Variants in WWOX observed in about 807,000 individuals in gnomAD.
WWOX encodes WW domain-containing oxidoreductase.
WWOX carries 69 observed loss-of-function variants against 46.2 expected under a neutral mutation model. That is an observed-to-expected ratio of 1.49 (90% CI 1.23 to 1.82). The LOEUF (loss-of-function observed/expected upper bound fraction) is 1.82, where lower values mean the gene tolerates loss of function less well. Among genes scored for constraint, WWOX ranks in the 40% most tolerant of loss-of-function variants. WWOX has a pLI of 0.00. For synonymous variants in WWOX, 359 were observed against 202.6 expected, an observed-to-expected ratio of 1.77 and a Z score of -6.56; for missense variants, 919 against 542.6, an observed-to-expected ratio of 1.69 and a Z score of -6.89.
intron 5 of WWOX, among the ~76,000 whole-genome samples, chr16:78,219,329 T>C (rs962860216): frequency 2.0e-5 from 3 of 152,262 alleles, no homozygotes; most frequent in African/African-American, 7.2e-5. Context: ...TTGCGCCATC[T>C]ACTAATCTCT....
At chr16:78,299,112 A>T (rs943394528) in intron 5 of WWOX, among the ~76,000 whole-genome samples, 3 of 152,186 alleles carry the variant, frequency 2.0e-5, no homozygotes. Context: ...TGTGGGTGTT[A>T]GTCATATTCT....
At position 79,091,414 on chromosome 16, in the gene WWOX, T is replaced by C. The variant is rs1020700049; in HGVS notation, c.1057-120194T>C. Among the ~76,000 whole-genome samples the C allele has an allele frequency of 3.9e-5, 6 of 152,280 alleles. No homozygotes were observed. The East Asian group carries it at 1.2e-3, about 29-fold the overall frequency. On this transcript the variant is annotated intron_variant, in intron 8 of 8. Transcript: ENST00000566780. ...GATGAATTTGAAGGCTGCCAGGCAG[T>C]AGCAACATATACCAGCTTCCCCACT...
chr16:78,763,485 A>C (rs1000123417), intron 8 of WWOX, among the ~76,000 whole-genome samples: 20 of 152,202 alleles, frequency 1.3e-4, no homozygotes, highest in African/African-American at 4.6e-4. Flanking sequence ...GGATAGAGGC[A>C]CTTTTTGGGG....
chr16:78,498,162 G>A (rs1349163403), intron 8 of WWOX, among the ~76,000 whole-genome samples: 1 of 132,338 alleles, frequency 7.6e-6, no homozygotes, highest in Non-Finnish European at 1.5e-5. Flanking sequence ...CCGAGATTGT[G>A]CCACTGCACT....
chr16:78,713,495 T>C (rs944394254), intron 8 of WWOX, among the ~76,000 whole-genome samples: 1 of 151,978 alleles, frequency 6.6e-6, no homozygotes, highest in African/African-American at 2.4e-5. Flanking sequence ...TGTTACTCTA[T>C]TTGGAGATAC....
intron 8 of WWOX, among the ~76,000 whole-genome samples, chr16:78,706,970 C>T (rs958972765): frequency 3.3e-5 from 5 of 152,112 alleles, no homozygotes; most frequent in East Asian, 1.9e-4. Context: ...GCACAAACTG[C>T]CTTTGGAAGT....
intron 8 of WWOX, among the ~76,000 whole-genome samples, chr16:79,161,317 C>G (rs2050482210): frequency 1.3e-5 from 2 of 152,148 alleles, no homozygotes; most frequent in Non-Finnish European, 2.9e-5. Context: ...CTCAGCTTAT[C>G]TCTAGGATGG....
intron 8 of WWOX, among the ~76,000 whole-genome samples, chr16:78,704,026 C>T (rs1178086931): frequency 6.6e-6 from 1 of 152,102 alleles, no homozygotes; most frequent in Non-Finnish European, 1.5e-5. Flanking sequence ...CAACCATCAC[C>T]CCTATCCATC....
At chr16:78,910,736 C>G (rs553035609) in intron 8 of WWOX, among the ~76,000 whole-genome samples, 3 of 151,842 alleles carry the variant, frequency 2.0e-5, no homozygotes, top group Non-Finnish European at 4.4e-5. Flanking sequence ...TTTATAAAAC[C>G]ATCAGATCTC....
chr16:78,101,346 C>CATTTTTTTTTTTTT, intron 1 of WWOX, among the ~76,000 whole-genome samples: 1 of 66,850 alleles, frequency 1.5e-5, no homozygotes, highest in East Asian at 5.5e-4. Context: ...CGCTCCCGGC[C>CATTTTTTTTTTTTT]TTTTTTTTTT....
At chr16:78,607,641 C>CT (rs1201682963) in intron 8 of WWOX, among the ~76,000 whole-genome samples, 196 of 110,300 alleles carry the variant, frequency 1.8e-3, no homozygotes, top group African/African-American at 5.5e-3. Flanking sequence ...CTCATTTGTT[C>CT]TTCTTTTTTT....
At chr16:79,076,975 G>C (rs1399567615) in intron 8 of WWOX, among the ~76,000 whole-genome samples, 1 of 152,118 alleles carries the variant, frequency 6.6e-6, no homozygotes, top group African/African-American at 2.4e-5. Flanking sequence ...GGCTTAAAGA[G>C]GTCAATTATT....
chr16:78,967,438 C>A (rs1036326562), intron 8 of WWOX, among the ~76,000 whole-genome samples: 1 of 147,102 alleles, frequency 6.8e-6, no homozygotes, highest in African/African-American at 2.5e-5. Context: ...TATGCACCAA[C>A]ATGCCTGGTT....
intron 8 of WWOX, among the ~76,000 whole-genome samples, chr16:78,530,372 G>A (rs1207589213): frequency 1.3e-5 from 2 of 152,168 alleles, no homozygotes; most frequent in African/African-American, 2.4e-5. Context: ...GCAGATGTGG[G>A]GGATTTTATT....
intron 5 of WWOX, among the ~76,000 whole-genome samples, chr16:78,328,801 GGTGGTTGA>G (rs1478447286): frequency 1.3e-5 from 2 of 151,370 alleles, no homozygotes; most frequent in Admixed American, 1.3e-4. Context: ...TTGGTCTCAG[GGTGGTTGA>G]CCTTTTGCCG....
At chr16:78,208,941 A>T (rs1255202243) in intron 5 of WWOX, among the ~76,000 whole-genome samples, 1 of 152,114 alleles carries the variant, frequency 6.6e-6, no homozygotes, top group Non-Finnish European at 1.5e-5. Context: ...TCCAAATTAT[A>T]TTAAGTGCAG....
At chr16:78,301,832 C>T (rs1269437017) in intron 5 of WWOX, among the ~76,000 whole-genome samples, 2 of 152,124 alleles carry the variant, frequency 1.3e-5, no homozygotes, top group African/African-American at 4.8e-5. Flanking sequence ...TAGGACTGAG[C>T]CTTTCTTCCA....
chr16:79,113,774 A>C (rs2049460128), intron 8 of WWOX, among the ~76,000 whole-genome samples: 1 of 152,202 alleles, frequency 6.6e-6, no homozygotes, highest in Non-Finnish European at 1.5e-5. Context: ...AGGGAGGGTT[A>C]AGGAGGGCAA....
intron 8 of WWOX, among the ~76,000 whole-genome samples, chr16:79,156,436 C>T (rs1257848036): frequency 6.6e-6 from 1 of 152,196 alleles, no homozygotes; most frequent in African/African-American, 2.4e-5. Context: ...GCTGGGATAA[C>T]AGGCGTGAGC....
Sources: gnomAD v4.1 joint callset for allele counts (sites outside exome capture counted in the v4.1 genomes callset) on GRCh38, gnomAD v4.1.1 for gene constraint, MANE v1.5 for transcripts, NCBI Gene and HGNC (gene_info 2026-07-23, HGNC 2026-07-21) for gene names.